YJEFN3: variants seen among roughly 807,000 people sequenced by gnomAD.
YJEFN3 encodes YjeF N-terminal domain containing 3, also known as yjeF N-terminal domain-containing protein 3.
A neutral mutation model predicts 31.5 loss-of-function variants in YJEFN3; 29 were observed. The observed-to-expected ratio is 0.92, with a 90% CI of 0.69 to 1.26. The LOEUF (loss-of-function observed/expected upper bound fraction) is 1.26, where lower values mean the gene tolerates loss of function less well. Among genes scored for constraint, YJEFN3 ranks in the 50% most tolerant of loss-of-function variants. The pLI is 0.00. For missense variants in YJEFN3, 442 were observed against 425.4 expected (o/e 1.04, Z -0.34); for synonymous variants, 227 against 196.1 (o/e 1.16, Z -1.32).
intron 1 of YJEFN3, 135 bp from the exon 2 acceptor site, chr19:19,529,229 T>C (rs2061129244): frequency 6.9e-7 from 1 of 1,449,398 alleles, no homozygotes; most frequent in South Asian, 1.5e-5. Context: ...GGCATCTTGC[T>C]GGAGACACTA....
At chr19:19,537,138 C>T (rs1434983299) in intron 6 of YJEFN3, among the ~76,000 whole-genome samples, 181 bp from the exon 7 acceptor site, 2 of 142,626 alleles carry the variant, frequency 1.4e-5, no homozygotes, top group East Asian at 4.1e-4. Context: ...ACCCATGTGC[C>T]AGAGAGAAAA....
chr19:19,535,242 C>T, intron 4 of YJEFN3, 95 bp from the exon 5 acceptor site: 1 of 1,505,394 alleles, frequency 6.6e-7, no homozygotes, highest in Non-Finnish European at 9.1e-7. Context: ...TGACGCAGGG[C>T]CAGGTTATAG....
chr19:19,533,774 C>A, intron 3 of YJEFN3: 4 of 985,406 alleles, frequency 4.1e-6, no homozygotes, highest in Non-Finnish European at 4.8e-6. Flanking sequence ...GAAGGAAAAT[C>A]AAAACCCCAG....
intron 2 of YJEFN3, among the ~76,000 whole-genome samples, chr19:19,531,454 C>T (rs1256782808): frequency 2.6e-5 from 4 of 152,110 alleles, no homozygotes; most frequent in East Asian, 1.9e-4. Flanking sequence ...CTTGTTCTGT[C>T]GCCCAGGCTA....
chr19:19,535,280 G>A lies in YJEFN3; in HGVS notation c.430-57G>A, dbSNP rs1199789742. 2.6e-6 allele frequency: 4 copies of A among 1,562,298 alleles called. No homozygotes were observed. The Admixed American group carries it at 6.9e-5, about 27-fold the overall frequency. ...TATGCCCAGTGCTTGTCCCAGGCAGGGTCTGGTGCTGGTGACCAGGTCAGG... is the reference window on the plus strand; with the variant it reads ...TATGCCCAGTGCTTGTCCCAGGCAGAGTCTGGTGCTGGTGACCAGGTCAGG... On this transcript the variant is annotated intron_variant, in intron 4 of 6. Coordinates refer to ENST00000514277, the MANE Select transcript of YJEFN3 (RefSeq NM_198537.4).
chr19:19,531,718 C>CTTTTTTTTTTTTTT lies in YJEFN3; in HGVS notation c.210-897_210-884dup, dbSNP rs56747140. Among the ~76,000 whole-genome samples the CTTTTTTTTTTTTTT allele has an allele frequency of 4.0e-4, 30 of 75,864 alleles. 2 individuals carry two copies. Among genetic ancestry groups the CTTTTTTTTTTTTTT allele is most frequent in the African/African-American group, 2.1e-3 (28 of 13,252 alleles). The allele number at this position is 75,864 out of a possible 152,430, so 49.8% of individuals were successfully genotyped here. ...GCCACATTTTCTGGCAACAAATAAC[C>CTTTTTTTTTTTTTT]TTTTTTTTTTTTTTTTTTTTTTTTT... On this transcript the variant is annotated intron_variant, in intron 2 of 6. Transcript: ENST00000514277.
rs964456293 is a variant in YJEFN3, at chr19:19,534,780, G to A, written c.319-254G>A. 20 of 372,522 alleles carry A rather than the reference G, an allele frequency of 5.4e-5. No individual in the cohort carries two copies. The highest frequency in any genetic ancestry group is 2.3e-4 in the African/African-American group (11 of 48,124). 23.1% of individuals were successfully genotyped at this position (372,522 alleles called of 1,614,324 possible). A position where few individuals can be genotyped will look rare whatever the true frequency, so the allele number is the denominator to read the frequency against. Reference sequence around the variant, plus strand: ...AGAATAAACAAACCGCACTCCGGGCGACGGGCAGTGGCTGGATGCACGTTT... The same window carrying A: ...AGAATAAACAAACCGCACTCCGGGCAACGGGCAGTGGCTGGATGCACGTTT... On this transcript the variant is annotated intron_variant, in intron 3 of 6. Coordinates refer to ENST00000514277, the MANE Select transcript of YJEFN3 (RefSeq NM_198537.4). The surrounding 1 kb of genome is among the most constrained non-coding windows in gnomAD (Gnocchi z 4.6).
rs1349723680 is a variant in YJEFN3 at position 19,537,377 on chromosome 19, G to A, written c.753G>A (p.Val251=). Residue 251 remains valine, a synonymous_variant, in exon 7 of 7, where the codon GTG becomes GTA. Transcript: ENST00000514277. ...ACGGGCTGCGGCCTGACGTGCTGGT[G>A]TCTCTCGCGGCGCCCAAGCGCTGCG... The part of the protein sequence containing the change: ...SEDGLRPDVL[V]SLAAPKRCAG... The A allele has an allele frequency of 6.3e-7, 1 of 1,595,212 alleles. No homozygotes were observed. The highest frequency in any genetic ancestry group is 8.5e-7 in the Non-Finnish European group (1 of 1,177,068).
chr19:19,535,775 A>C (rs2061204126), intron 6 of YJEFN3, 96 bp downstream of exon 6: 3 of 1,448,202 alleles, frequency 2.1e-6, no homozygotes, highest in South Asian at 2.4e-5. Context: ...TCTGAACCTC[A>C]ATCTCCCCAG....
At position 19,537,550 on chromosome 19, in the gene YJEFN3, G is replaced by A. The variant is rs558667727; in HGVS notation, c.*26G>A. Reference sequence around the variant, plus strand: ...CCGCCACCCGCGGCCACACCGCAGGGACCCTCGCCAATAAACAGCCCTCCC... The same window carrying A: ...CCGCCACCCGCGGCCACACCGCAGGAACCCTCGCCAATAAACAGCCCTCCC... On this transcript the variant is annotated 3_prime_UTR_variant, in exon 7 of 7. Coordinates refer to ENST00000514277, the MANE Select transcript of YJEFN3 (RefSeq NM_198537.4). 4.6e-5 allele frequency: 70 copies of A among 1,511,884 alleles called. No individual in the cohort carries two copies. The South Asian group carries it at 6.6e-4, about 14-fold the overall frequency. The allele number at this position is 1,511,884 out of a possible 1,614,324, so 93.7% of individuals were successfully genotyped here.
chr19:19,536,154 C>T lies in YJEFN3; in HGVS notation c.694+475C>T, dbSNP rs559959176. The T allele has an allele frequency of 1.2e-3, 381 of 324,364 alleles. 3 individuals are homozygous for T. Among genetic ancestry groups the T allele is most frequent in the African/African-American group, 7.3e-3 (333 of 45,790 alleles). 20.1% of individuals were successfully genotyped at this position (324,364 alleles called of 1,614,324 possible). On this transcript the variant is annotated intron_variant, in intron 6 of 6. Transcript: ENST00000514277. Reference sequence around the variant, plus strand: ...CACAGAGCAGGGGCACCAAGGGAGGCGGCGTGCTGTCTGATCTGAGTAGGG... The same window carrying T: ...CACAGAGCAGGGGCACCAAGGGAGGTGGCGTGCTGTCTGATCTGAGTAGGG...
chr19:19,535,426 C>T lies in YJEFN3; in HGVS notation c.519C>T (p.Pro173=). ...CCCAGTGCGAGAAGATGGACATCCC[C>T]TTCCTGAGCTACCTGCCCACTGAGG... ...LTTQCEKMDI[P]FLSYLPTEVQ... Residue 173 remains proline, a synonymous_variant, in exon 5 of 7, where the codon CCC becomes CCT. Transcript: ENST00000514277. 1 of 1,614,034 alleles carries T rather than the reference C, an allele frequency of 6.2e-7. No homozygotes were observed. The highest frequency in any genetic ancestry group is 1.7e-5 in the Admixed American group (1 of 60,022).
intron 6 of YJEFN3, chr19:19,535,918 T>TTTTTAATGATACG: frequency 1.6e-6 from 1 of 622,372 alleles, no homozygotes; most frequent in Non-Finnish European, 2.8e-6. Flanking sequence ...ACATGCCCTC[T>TTTTTAATGATACG]GCCCACCCCT....
Position 19,533,125 on chromosome 19 carries a change from G to C in YJEFN3, c.318+385G>C, listed in dbSNP as rs1415412788. ...GCAGGTGGGGAAACTGAAGCTCAGAGGTGGCGAGGGGCCTGCCCTGGGTCA... is the reference window on the plus strand; with the variant it reads ...GCAGGTGGGGAAACTGAAGCTCAGACGTGGCGAGGGGCCTGCCCTGGGTCA... On this transcript the variant is annotated intron_variant, in intron 3 of 6. Coordinates refer to ENST00000514277, the MANE Select transcript of YJEFN3 (RefSeq NM_198537.4). 5 of 1,019,646 alleles carry C rather than the reference G, an allele frequency of 4.9e-6. No homozygotes were observed. In the African/African-American group the frequency reaches 6.8e-5, roughly 14 times the overall value. 63.2% of individuals were successfully genotyped at this position (1,019,646 alleles called of 1,614,324 possible).
At position 19,535,677 on chromosome 19, in the gene YJEFN3, C is replaced by T; in HGVS notation, c.692C>T (p.Ser231Leu). 6.4e-7 allele frequency: 1 copy of T among 1,551,576 alleles called. No individual in the cohort carries two copies. Among genetic ancestry groups the T allele is most frequent in the South Asian group, 1.2e-5 (1 of 84,754 alleles). Residue 231 changes from serine to leucine, a missense_variant and splice_region_variant, in exon 6 of 7, where the codon TCA (serine) becomes TTA (leucine). Physicochemically the swap from Ser to Leu is moderately radical, Grantham distance 145 (BLOSUM62 -2). Coordinates refer to ENST00000514277, the MANE Select transcript of YJEFN3 (RefSeq NM_198537.4). ...SIPLVSLDIP[S>L]GWDAETGSDS... is the part of the protein sequence containing the mutation. Reference sequence around the variant, plus strand: ...CCCCTCGTGAGCCTGGACATCCCCTCAGGCATGCCAGGCAGAGGGGGGCAC... The same window carrying T: ...CCCCTCGTGAGCCTGGACATCCCCTTAGGCATGCCAGGCAGAGGGGGGCAC...
rs929452295 is a variant in YJEFN3, at chr19:19,532,999, C to T, written c.318+259C>T. 5 of 1,258,546 alleles carry T rather than the reference C, an allele frequency of 4.0e-6. No individual in the cohort carries two copies. The African/African-American group carries it at 7.8e-5, about 20-fold the overall frequency. 78.0% of individuals were successfully genotyped at this position (1,258,546 alleles called of 1,614,324 possible). A position where few individuals can be genotyped will look rare whatever the true frequency, so the allele number is the denominator to read the frequency against. ...GTGCCACGACCCTGGAAGTGCAACCCCTCCTGCACATGTGACCCGCCTGCT... is the reference window on the plus strand; with the variant it reads ...GTGCCACGACCCTGGAAGTGCAACCTCTCCTGCACATGTGACCCGCCTGCT... On this transcript the variant is annotated intron_variant, in intron 3 of 6. Coordinates refer to ENST00000514277, the MANE Select transcript of YJEFN3 (RefSeq NM_198537.4).
chr19:19,536,086 T>C, intron 6 of YJEFN3: 1 of 478,064 alleles, frequency 2.1e-6, no homozygotes, highest in Non-Finnish European at 3.7e-6. Context: ...CTCCGGGGGA[T>C]GTCCCCTGGC....
chr19:19,533,383 G>A (rs983627498), intron 3 of YJEFN3: 90 of 985,832 alleles, frequency 9.1e-5, no homozygotes, highest in Non-Finnish European at 1.0e-4. Context: ...CCATACAGTC[G>A]AGGCTCTAGC....
In YJEFN3 at chr19:19,529,377, C is replaced by T. The variant is rs377210906; in HGVS notation, c.73C>T (p.Gln25Ter). ...CATCTCTCCCAGGGCCTTGGAGCTGCAGCCCCCACTTGCCGACATGGGAAG... is the reference window on the plus strand; with the variant it reads ...CATCTCTCCCAGGGCCTTGGAGCTGTAGCCCCCACTTGCCGACATGGGAAG... ...ERHFLRALEL[Q>*]PPLADMGRAE... Residue 25 changes from glutamine (Q) to a stop codon, truncating the protein, a stop_gained, in exon 2 of 7, where the codon CAG (glutamine) becomes TAG (stop). Coordinates refer to ENST00000514277, the MANE Select transcript of YJEFN3 (RefSeq NM_198537.4). LOFTEE classifies it high-confidence loss of function. The T allele has an allele frequency of 1.9e-6, 3 of 1,612,636 alleles. No individual in the cohort carries two copies. The African/African-American group carries it at 4.0e-5, about 21-fold the overall frequency.
Sources: gnomAD v4.1 joint callset for allele counts (sites outside exome capture counted in the v4.1 genomes callset) on GRCh38, gnomAD v4.1.1 for gene constraint, Gnocchi (gnomAD v3.1) non-coding constraint, MANE v1.5 for transcripts, NCBI Gene and HGNC (gene_info 2026-07-23, HGNC 2026-07-21) for gene names.